The following PCDHA9 variants were observed in gnomAD, a reference collection of about 807,000 sequenced individuals.
The protein encoded by PCDHA9 is protocadherin alpha-9.
In PCDHA9, 62 loss-of-function variants were observed where a neutral mutation model predicts 62.0. The observed-to-expected ratio is 1.00, with a 90% CI of 0.81 to 1.23. PCDHA9 has a LOEUF of 1.23. Among genes scored for constraint, PCDHA9 ranks in the 50% most tolerant of loss-of-function variants. The pLI, the probability that PCDHA9 is intolerant of heterozygous loss-of-function variation, is 0.00. For missense variants in PCDHA9, 1,205 were observed against 1,249.8 expected, an observed-to-expected ratio of 0.96 and a Z score of 0.54; for synonymous variants, 557 against 567.6, an observed-to-expected ratio of 0.98 and a Z score of 0.27.
chr5:140,968,206 G>A lies in PCDHA9; in HGVS notation c.2395-10743G>A, dbSNP rs782751494. Reference sequence around the variant, plus strand: ...ACTCCTATTCCATCTACATACAGGAGAACAATTTGCCAGGTGTGTTGCTCT... The same window carrying A: ...ACTCCTATTCCATCTACATACAGGAAAACAATTTGCCAGGTGTGTTGCTCT... On this transcript the variant is annotated intron_variant, in intron 1 of 3. Coordinates refer to ENST00000532602, the MANE Select transcript of PCDHA9 (RefSeq NM_031857.2). 170 of 1,613,876 alleles carry A rather than the reference G, an allele frequency of 1.1e-4. 1 individual carries two copies. Among genetic ancestry groups the A allele is most frequent in the Non-Finnish European group, 1.4e-4 (163 of 1,180,042 alleles).
intron 1 of PCDHA9, among the ~76,000 whole-genome samples, chr5:140,951,512 C>T (rs2094592870): frequency 6.6e-6 from 1 of 152,004 alleles, no homozygotes; most frequent in Non-Finnish European, 1.5e-5. Context: ...GAAAGCGGCT[C>T]ATCTTACATG....
intron 1 of PCDHA9, chr5:140,927,125 G>C (rs782734791): frequency 6.2e-7 from 1 of 1,614,076 alleles, no homozygotes; most frequent in Admixed American, 1.7e-5. Flanking sequence ...TTGGTGGTCA[G>C]AGAGCCGGCG....
rs186780543 is a variant in PCDHA9, at chr5:140,848,623, C to T, written c.128C>T (p.Thr43Ile). Residue 43 changes from threonine (T) to isoleucine (I), a missense_variant, in exon 1 of 4, where the codon ACC (threonine) becomes ATC (isoleucine). Thr to Ile is a moderately conservative substitution (Grantham distance 89, BLOSUM62 -1). Around this residue, in one of 3 missense-constraint regions of PCDHA9, gnomAD observed 208 missense variants for 213.2 expected, o/e 0.98. Transcript: ENST00000532602. The stretch of plus-strand genomic sequence containing the variant: ...GTCCCGGAGGAAGCCGAACACGGCA[C>T]CTTCGTGGGCCGCATCGCGCAGGAC... The part of the protein sequence containing the change: ...YSVPEEAEHG[T>I]FVGRIAQDLG... The T allele has an allele frequency of 1.0e-5, 16 of 1,592,746 alleles. 2 individuals carry two copies. The Admixed American group carries it at 1.5e-4, about 15-fold the overall frequency.
At chr5:140,896,706 T>C (rs188797791) in intron 1 of PCDHA9, among the ~76,000 whole-genome samples, 169 of 152,248 alleles carry the variant, frequency 1.1e-3, no homozygotes, top group East Asian at 5.2e-3. Context: ...AGGTTGTTTG[T>C]TTTTTGCTTG....
At chr5:140,877,082 C>A in intron 1 of PCDHA9, 1 of 1,613,120 alleles carries the variant, frequency 6.2e-7, no homozygotes, top group African/African-American at 1.3e-5. Flanking sequence ...CAGGTGAGCG[C>A]GCGCGACGCC....
intron 1 of PCDHA9, among the ~76,000 whole-genome samples, chr5:140,872,937 A>C (rs2053993403): frequency 6.6e-6 from 1 of 152,034 alleles, no homozygotes; most frequent in South Asian, 2.1e-4. Flanking sequence ...TGTTTTTGAA[A>C]TTTTCTTTCC....
At chr5:140,984,976 C>A (rs905264957) in intron 3 of PCDHA9, among the ~76,000 whole-genome samples, 8 of 151,910 alleles carry the variant, frequency 5.3e-5, no homozygotes, top group African/African-American at 1.9e-4. Flanking sequence ...CTCGCTCTGT[C>A]CCCCAGGCTG....
chr5:140,883,031 G>A, intron 1 of PCDHA9: 1 of 1,614,078 alleles, frequency 6.2e-7, no homozygotes, highest in Non-Finnish European at 8.5e-7. Flanking sequence ...GTTAGAGAAC[G>A]CCTTCAATGG....
intron 2 of PCDHA9, among the ~76,000 whole-genome samples, chr5:140,979,895 T>G (rs1460432451): frequency 6.6e-6 from 1 of 152,222 alleles, no homozygotes; most frequent in Non-Finnish European, 1.5e-5. Context: ...TTCACCAAAC[T>G]TAGATCAGTT....
At chr5:140,869,083 T>C in intron 1 of PCDHA9, 1 of 1,582,990 alleles carries the variant, frequency 6.3e-7, no homozygotes, top group Non-Finnish European at 8.6e-7. Flanking sequence ...AAGCTTATTT[T>C]GGAAGCCAAT....
At chr5:140,954,221 T>C (rs1237648662) in intron 1 of PCDHA9, among the ~76,000 whole-genome samples, 2 of 152,252 alleles carry the variant, frequency 1.3e-5, no homozygotes, top group African/African-American at 4.8e-5. Flanking sequence ...TTTTTGCTAT[T>C]GTGAATAGTG....
At chr5:140,921,920 TTA>T (rs1253318185) in intron 1 of PCDHA9, among the ~76,000 whole-genome samples, 1 of 151,888 alleles carries the variant, frequency 6.6e-6, no homozygotes, top group African/African-American at 2.4e-5. Flanking sequence ...ATGATAAAAC[TTA>T]TAGTCAATAT....
rs2042367518 is a variant in PCDHA9 at position 140,852,542 on chromosome 5, C to T, written c.2394+1653C>T. Reference sequence around the variant, plus strand: ...GCTCCCACCTCGGCCTCCCAAAGTGCTGGGATTAAAGCTGTGAGCCACTGT... The same window carrying T: ...GCTCCCACCTCGGCCTCCCAAAGTGTTGGGATTAAAGCTGTGAGCCACTGT... On this transcript the variant is annotated intron_variant, in intron 1 of 3. Transcript: ENST00000532602. 35 of 557,808 alleles carry T rather than the reference C, an allele frequency of 6.3e-5. 3 individuals are homozygous for T. The highest frequency in any genetic ancestry group is 8.0e-5 in the Non-Finnish European group (34 of 426,308). 34.6% of individuals were successfully genotyped at this position (557,808 alleles called of 1,614,324 possible).
At chr5:141,008,863 C>A (rs902385521) in intron 3 of PCDHA9, among the ~76,000 whole-genome samples, 2 of 152,204 alleles carry the variant, frequency 1.3e-5, no homozygotes, top group African/African-American at 2.4e-5. Flanking sequence ...CTCTTCCATG[C>A]TGCATCCCAC....
intron 1 of PCDHA9, among the ~76,000 whole-genome samples, chr5:140,917,561 C>T (rs1286710001): frequency 6.6e-6 from 1 of 152,214 alleles, no homozygotes; most frequent in Non-Finnish European, 1.5e-5. Flanking sequence ...ACTCTTTAAT[C>T]CATCTCAGGC....
chr5:140,939,034 A>T (rs1367274051), intron 1 of PCDHA9, among the ~76,000 whole-genome samples: 1 of 152,216 alleles, frequency 6.6e-6, no homozygotes, highest in Non-Finnish European at 1.5e-5. Context: ...TATTCGGAAG[A>T]GTTGTCTTAG....
At chr5:140,962,270 A>T (rs2095668540) in intron 1 of PCDHA9, among the ~76,000 whole-genome samples, 1 of 152,210 alleles carries the variant, frequency 6.6e-6, no homozygotes, top group African/African-American at 2.4e-5. Context: ...TTTATAATTT[A>T]AAAAACCTCA....
intron 3 of PCDHA9, among the ~76,000 whole-genome samples, chr5:140,988,745 G>A (rs943188955): frequency 3.9e-5 from 6 of 152,152 alleles, no homozygotes; most frequent in Non-Finnish European, 5.9e-5. Flanking sequence ...TCTAGGATTG[G>A]TGGCCTGGGC....
chr5:140,930,257 A>C (rs1412873070), intron 1 of PCDHA9: 1 of 152,218 alleles, frequency 6.6e-6, no homozygotes, highest in Non-Finnish European at 1.5e-5. Flanking sequence ...ACTTGGATTT[A>C]ATTTCTTTTA....
Sources: allele counts gnomAD v4.1 joint callset (sites outside exome capture counted in the v4.1 genomes callset), GRCh38; gene constraint gnomAD v4.1.1; regional missense constraint gnomAD v4.1.1; transcripts MANE v1.5; gene names NCBI Gene and HGNC (gene_info 2026-07-23, HGNC 2026-07-21).